Variants in GPA33 observed in about 807,000 individuals in gnomAD.
GPA33 encodes glycoprotein A33, also known as cell surface A33 antigen.
A neutral mutation model predicts 35.6 loss-of-function variants in GPA33; 27 were observed. The observed-to-expected ratio is 0.76, with a 90% CI of 0.56 to 1.04. GPA33 has a LOEUF of 1.04. Ranked by LOEUF, GPA33 falls within the 50% of genes least tolerant of loss-of-function variation. The pLI, the probability that GPA33 is intolerant of heterozygous loss-of-function variation, is 0.00. For missense variants in GPA33, 428 were observed against 411.9 expected (o/e 1.04, Z -0.34); for synonymous variants, 176 against 164.0 (o/e 1.07, Z -0.56).
rs150824513 is a variant in GPA33 at position 167,059,866 on chromosome 1, C to T, written c.571+3716G>A. Among the ~76,000 whole-genome samples, 99 of 152,170 alleles carry T rather than the reference C, an allele frequency of 6.5e-4. No individual in the cohort carries two copies. In the Middle Eastern group the frequency reaches 0.031, roughly 47 times the overall value. ...CTTCTTGTTTCCTGATTCTGGATTC[C>T]CTGTTCTTTTCACTGCTAGCTTGTT... is the stretch of plus-strand genomic sequence containing the variant. On this transcript the variant is annotated intron_variant, in intron 4 of 6. Transcript: ENST00000367868.
At chr1:167,059,010 C>G (rs1331404337) in intron 4 of GPA33, among the ~76,000 whole-genome samples, 1 of 152,222 alleles carries the variant, frequency 6.6e-6, no homozygotes, top group Non-Finnish European at 1.5e-5. Flanking sequence ...GAGTGTGAAG[C>G]TCGGACTCTG....
At chr1:167,079,039 A>G (rs1379272362) in intron 1 of GPA33, among the ~76,000 whole-genome samples, 1 of 152,232 alleles carries the variant, frequency 6.6e-6, no homozygotes, top group Non-Finnish European at 1.5e-5. Context: ...ACTCACCATC[A>G]CCATGGGTGA....
chr1:167,055,989 G>C, intron 4 of GPA33, 140 bp from the exon 5 acceptor site: 5 of 785,092 alleles, frequency 6.4e-6, no homozygotes, highest in Non-Finnish European at 4.2e-6. Flanking sequence ...TCCACCTCCA[G>C]GGCTGCAGGA....
chr1:167,082,637 G>C (rs772660071), intron 1 of GPA33, among the ~76,000 whole-genome samples: 3 of 152,192 alleles, frequency 2.0e-5, no homozygotes, highest in Non-Finnish European at 2.9e-5. Flanking sequence ...CAGTTGGAAA[G>C]CCAGCTTTGC....
At chr1:167,084,263 G>A (rs1182083559) in intron 1 of GPA33, among the ~76,000 whole-genome samples, 2 of 152,224 alleles carry the variant, frequency 1.3e-5, no homozygotes, top group African/African-American at 2.4e-5. Context: ...TGAGGCAGCT[G>A]TGGCAGTAGC....
rs146949681 is a variant in GPA33 at position 167,054,319 on chromosome 1, T to C, written c.*15A>G. 162 of 1,613,796 alleles carry C rather than the reference T, an allele frequency of 1.0e-4. No individual in the cohort carries two copies. In the African/African-American group the frequency reaches 1.9e-3, roughly 19 times the overall value. ...ACCCCTAACCCTTCCTCCGCCGCCCTCTGCTGCTGGCCTGTCACTGGTCGA... is the reference window on the plus strand; with the variant it reads ...ACCCCTAACCCTTCCTCCGCCGCCCCCTGCTGCTGGCCTGTCACTGGTCGA... On this transcript the variant is annotated 3_prime_UTR_variant, in exon 7 of 7. Coordinates refer to ENST00000367868, the MANE Select transcript of GPA33 (RefSeq NM_005814.3).
At chr1:167,056,930 T>C (rs1420859152) in intron 4 of GPA33, among the ~76,000 whole-genome samples, 1 of 98,048 alleles carries the variant, frequency 1.0e-5, no homozygotes, top group African/African-American at 3.7e-5. Context: ...GTGTGTACTG[T>C]GTGTGGTGTG....
chr1:167,077,452 G>A (rs937223395), intron 1 of GPA33, among the ~76,000 whole-genome samples: 6 of 152,032 alleles, frequency 3.9e-5, no homozygotes, highest in Non-Finnish European at 7.4e-5. Context: ...CTGTCCTCAC[G>A]GTGACCACTC....
At chr1:167,062,888 A>G (rs1451731292) in intron 4 of GPA33, among the ~76,000 whole-genome samples, 4 of 151,778 alleles carry the variant, frequency 2.6e-5, no homozygotes, top group Non-Finnish European at 5.9e-5. Flanking sequence ...GGAAAGTTAA[A>G]TTCCCCACCT....
rs775535475 is a variant in GPA33 at position 167,068,919 on chromosome 1, C to T, written c.415+3G>A. 1 of 1,609,706 alleles carries T rather than the reference C, an allele frequency of 6.2e-7. No individual in the cohort carries two copies. The highest frequency in any genetic ancestry group is 1.3e-5 in the African/African-American group (1 of 74,946). Reference sequence around the variant, plus strand: ...AACTCCTGAAAGACATGAAGACACTCACCGAGGACCAACAGGCGGACACGT... The same window carrying T: ...AACTCCTGAAAGACATGAAGACACTTACCGAGGACCAACAGGCGGACACGT... On this transcript the variant is annotated splice_donor_region_variant and intron_variant, in intron 3 of 6. Transcript: ENST00000367868.
At chr1:167,061,602 T>G (rs1364880706) in intron 4 of GPA33, among the ~76,000 whole-genome samples, 4 of 142,316 alleles carry the variant, frequency 2.8e-5, no homozygotes, top group East Asian at 4.0e-4. Context: ...TTTTTTTTTT[T>G]TTTTTTTTTT....
chr1:167,066,135 C>A (rs537867951), intron 3 of GPA33, among the ~76,000 whole-genome samples: 1 of 152,134 alleles, frequency 6.6e-6, no homozygotes, highest in Admixed American at 6.5e-5. Flanking sequence ...AATTGGAGAG[C>A]GGGCAAAACA....
In GPA33 at chr1:167,072,145, G is replaced by A. The variant is rs111620428; in HGVS notation, c.198+1240C>T. On this transcript the variant is annotated intron_variant, in intron 2 of 6. Transcript: ENST00000367868. Reference sequence around the variant, plus strand: ...CAAGACTTGCTCTCTTTCCCCATCCGTCCTGCCCGCTCGAGGCCTTGAGTG... The same window carrying A: ...CAAGACTTGCTCTCTTTCCCCATCCATCCTGCCCGCTCGAGGCCTTGAGTG... Among the ~76,000 whole-genome samples, 255 of 98,950 alleles carry A rather than the reference G, an allele frequency of 2.6e-3. 3 individuals are homozygous for A. Among genetic ancestry groups the A allele is most frequent in the African/African-American group, 0.013 (236 of 17,638 alleles). The allele number at this position is 98,950 out of a possible 152,430, so 64.9% of individuals were successfully genotyped here. A position where few individuals can be genotyped will look rare whatever the true frequency, so the allele number is the denominator to read the frequency against.
At chr1:167,066,638 G>A (rs1666597375) in intron 3 of GPA33, among the ~76,000 whole-genome samples, 1 of 152,228 alleles carries the variant, frequency 6.6e-6, no homozygotes, top group Non-Finnish European at 1.5e-5. Flanking sequence ...TGTGGGGCCC[G>A]TGAGACCTCC....
At chr1:167,058,080 T>C (rs1262006910) in intron 4 of GPA33, among the ~76,000 whole-genome samples, 1 of 152,144 alleles carries the variant, frequency 6.6e-6, no homozygotes, top group East Asian at 1.9e-4. Context: ...GCGCCTCTAG[T>C]CCCAGGTACT....
chr1:167,063,463 G>T, intron 4 of GPA33, 119 bp downstream of exon 4: 1 of 803,070 alleles, frequency 1.2e-6, no homozygotes, highest in East Asian at 2.5e-5. Context: ...GGGATGGGTA[G>T]GGAAGCAAGC....
At chr1:167,054,666 A>C (rs546662754) in intron 6 of GPA33, among the ~76,000 whole-genome samples, 200 bp from the exon 7 acceptor site, 1 of 152,242 alleles carries the variant, frequency 6.6e-6, no homozygotes, top group Admixed American at 6.5e-5. Flanking sequence ...AGGGGGTTAC[A>C]GGAACAGGCT....
At chr1:167,059,149 TC>T (rs761394625) in intron 4 of GPA33, among the ~76,000 whole-genome samples, 13 of 152,110 alleles carry the variant, frequency 8.5e-5, no homozygotes, top group Non-Finnish European at 1.5e-4. Flanking sequence ...AGCGCTATCC[TC>T]CCCCAGTTCC....
intron 1 of GPA33, among the ~76,000 whole-genome samples, chr1:167,083,201 C>G (rs1349960944): frequency 6.6e-6 from 1 of 152,232 alleles, no homozygotes; most frequent in Non-Finnish European, 1.5e-5. Context: ...GTGACTTTCT[C>G]TAAGTCACTT....
Sources: gnomAD v4.1 joint callset for allele counts (sites outside exome capture counted in the v4.1 genomes callset) on GRCh38, gnomAD v4.1.1 for gene constraint, MANE v1.5 for transcripts, NCBI Gene and HGNC (gene_info 2026-07-23, HGNC 2026-07-21) for gene names.